AFF3: variants seen among roughly 807,000 people sequenced by gnomAD.
AFF3 encodes the protein ALF transcription elongation factor 3, also known as AF4/FMR2 family member 3.
AFF3 carries 32 observed loss-of-function variants against 129.7 expected under a neutral mutation model. The observed-to-expected ratio is 0.25, with a 90% CI of 0.19 to 0.33. The LOEUF is 0.33. Ranked by LOEUF, AFF3 falls within the 10% of genes least tolerant of loss-of-function variation. AFF3 has a pLI of 1.00. For missense variants in AFF3, 1,373 were observed against 1,592.0 expected (o/e 0.86, Z 2.34); for synonymous variants, 644 against 635.4 (o/e 1.01, Z -0.20).
intron 7 of AFF3, among the ~76,000 whole-genome samples, chr2:99,860,841 C>T (rs1301372823): frequency 6.6e-6 from 1 of 152,098 alleles, no homozygotes; most frequent in Non-Finnish European, 1.5e-5. Context: ...ATAAAATTAA[C>T]GTGTCTGTCA....
chr2:99,668,159 CA>C (rs910555277), intron 12 of AFF3, among the ~76,000 whole-genome samples: 29 of 145,314 alleles, frequency 2.0e-4, no homozygotes, highest in Non-Finnish European at 2.6e-4. Flanking sequence ...CTCCATCTCC[CA>C]AAAAAAAAAA....
At chr2:99,623,032 G>C (rs1404068299) in intron 13 of AFF3, among the ~76,000 whole-genome samples, 2 of 152,152 alleles carry the variant, frequency 1.3e-5, no homozygotes, top group African/African-American at 4.8e-5. Flanking sequence ...CGAAGGGAGA[G>C]AGGACAGGAG....
chr2:99,829,169 C>T (rs888842456), intron 8 of AFF3, among the ~76,000 whole-genome samples: 1 of 152,126 alleles, frequency 6.6e-6, no homozygotes, highest in African/African-American at 2.4e-5. Flanking sequence ...GTGAGCTATG[C>T]ATACATTAAG....
chr2:100,127,610 A>G (rs1282455263), intron 2 of AFF3, among the ~76,000 whole-genome samples: 4 of 152,116 alleles, frequency 2.6e-5, no homozygotes, highest in African/African-American at 9.7e-5. Context: ...TGAATAAACA[A>G]CCCCTGAGAA....
chr2:99,856,386 A>G (rs1360027237), intron 7 of AFF3, among the ~76,000 whole-genome samples: 1 of 152,170 alleles, frequency 6.6e-6, no homozygotes, highest in Non-Finnish European at 1.5e-5. Flanking sequence ...ATGGGGAGAG[A>G]CAACAGATGC....
intron 4 of AFF3, among the ~76,000 whole-genome samples, chr2:100,099,802 A>G (rs576262057): frequency 1.8e-4 from 27 of 151,432 alleles, no homozygotes; most frequent in South Asian, 1.2e-3. Flanking sequence ...TAAAAAAAAG[A>G]AAAAAGAGAA....
At chr2:99,581,720 G>A (rs551697614) in intron 17 of AFF3, among the ~76,000 whole-genome samples, 1 of 151,844 alleles carries the variant, frequency 6.6e-6, no homozygotes, top group Non-Finnish European at 1.5e-5. Context: ...GATTATGACA[G>A]GGGAGGGTTT....
chr2:99,900,243 G>A (rs1435266943), intron 7 of AFF3, among the ~76,000 whole-genome samples: 2 of 152,134 alleles, frequency 1.3e-5, no homozygotes, highest in African/African-American at 2.4e-5. Flanking sequence ...AAGTACATGA[G>A]TTGATACTGT....
At chr2:99,668,154 T>C (rs1453997422) in intron 12 of AFF3, among the ~76,000 whole-genome samples, 11 of 150,720 alleles carry the variant, frequency 7.3e-5, no homozygotes, top group Admixed American at 7.3e-4. Flanking sequence ...TGAGACTCCA[T>C]CTCCCAAAAA....
intron 8 of AFF3, among the ~76,000 whole-genome samples, chr2:99,772,239 G>C (rs1218237598): frequency 6.6e-6 from 1 of 152,188 alleles, no homozygotes; most frequent in Non-Finnish European, 1.5e-5. Context: ...GAGAGGCAGG[G>C]AAGGCAAATG....
chr2:99,581,308 TAA>T (rs141017281), intron 17 of AFF3, among the ~76,000 whole-genome samples: 3,733 of 152,300 alleles, frequency 0.025, 149 homozygotes, highest in African/African-American at 0.084. Context: ...CATGTTTTTC[TAA>T]TATAGGTCTT....
intron 7 of AFF3, among the ~76,000 whole-genome samples, chr2:99,883,824 T>C (rs188492379): frequency 2.0e-5 from 3 of 151,630 alleles, no homozygotes; most frequent in Non-Finnish European, 4.4e-5. Context: ...GAATTATTAT[T>C]ATACATTTCA....
chr2:100,085,675 T>C (rs1040572471), intron 4 of AFF3, among the ~76,000 whole-genome samples: 1 of 151,726 alleles, frequency 6.6e-6, no homozygotes, highest in African/African-American at 2.4e-5. Flanking sequence ...TAGGCATCAC[T>C]TTCTCTGCTG....
At chr2:99,567,972 C>T (rs569268110) in intron 19 of AFF3, among the ~76,000 whole-genome samples, 1 of 152,280 alleles carries the variant, frequency 6.6e-6, no homozygotes, top group African/African-American at 2.4e-5. Flanking sequence ...CTTCCGCTGC[C>T]CTCCTCTATT....
At position 99,759,485 on chromosome 2, in the gene AFF3, T is replaced by C. The variant is rs531990161; in HGVS notation, c.922-7184A>G. Among the ~76,000 whole-genome samples the C allele has an allele frequency of 2.6e-3, 399 of 152,322 alleles. 1 individual carries two copies. The highest frequency in any genetic ancestry group is 4.7e-3 in the Non-Finnish European group (319 of 68,030). On this transcript the variant is annotated intron_variant, in intron 8 of 24. Transcript: ENST00000672756. ...AGACTGGAACATCTTACATAGTAAGTGCTCTATATAAACTTGTTGAATTGA... is the reference window on the plus strand; with the variant it reads ...AGACTGGAACATCTTACATAGTAAGCGCTCTATATAAACTTGTTGAATTGA...
At chr2:99,604,332 T>C (rs1057384360) in intron 13 of AFF3, among the ~76,000 whole-genome samples, 2 of 152,192 alleles carry the variant, frequency 1.3e-5, no homozygotes, top group African/African-American at 4.8e-5. Context: ...GGGACATGAA[T>C]GGAGCTGGAG....
At chr2:100,122,674 G>C (rs1007002141) in intron 2 of AFF3, among the ~76,000 whole-genome samples, 3 of 152,142 alleles carry the variant, frequency 2.0e-5, no homozygotes, top group African/African-American at 4.8e-5. Flanking sequence ...AGAGAAGAGA[G>C]GAAAGCAAAA....
intron 8 of AFF3, among the ~76,000 whole-genome samples, chr2:99,798,042 T>C (rs1685675885): frequency 6.6e-6 from 1 of 152,034 alleles, no homozygotes; most frequent in Admixed American, 6.6e-5. Context: ...ATATAATTGA[T>C]TAGTTAAGAA....
chr2:99,725,183 C>T (rs929762024), intron 11 of AFF3, among the ~76,000 whole-genome samples: 2 of 151,886 alleles, frequency 1.3e-5, no homozygotes, highest in Non-Finnish European at 2.9e-5. Context: ...GCATGATGGT[C>T]AGGCTAGTTT....
Sources: gnomAD v4.1 joint callset for allele counts (sites outside exome capture counted in the v4.1 genomes callset) on GRCh38, gnomAD v4.1.1 for gene constraint, MANE v1.5 for transcripts, NCBI Gene and HGNC (gene_info 2026-07-23, HGNC 2026-07-21) for gene names.